IL1R1: variants seen among roughly 807,000 people sequenced by gnomAD.
The protein encoded by IL1R1 is interleukin 1 receptor type 1.
A neutral mutation model predicts 50.2 loss-of-function variants in IL1R1; 22 were observed. That is an observed-to-expected ratio of 0.44 (90% CI 0.31 to 0.63). IL1R1 has a LOEUF of 0.63. IL1R1 is among the 20% of genes least tolerant of loss of function. The pLI, the probability that IL1R1 is intolerant of heterozygous loss-of-function variation, is 0.07. For missense variants in IL1R1, 509 were observed against 676.2 expected (o/e 0.75, Z 2.74); for synonymous variants, 251 against 236.7 (o/e 1.06, Z -0.55).
intron 1 of IL1R1, among the ~76,000 whole-genome samples, chr2:102,148,284 G>C (rs114698808): frequency 0.014 from 2,094 of 152,300 alleles, 39 homozygotes; most frequent in African/African-American, 0.047. Context: ...GGAAGTTCCT[G>C]GGTGGGCTCT....
At chr2:102,152,578 T>C (rs1683780667) in intron 1 of IL1R1, among the ~76,000 whole-genome samples, 1 of 137,764 alleles carries the variant, frequency 7.3e-6, no homozygotes, top group African/African-American at 2.7e-5. Context: ...GCAAGAAGCT[T>C]CCTGGGCCTC....
intron 2 of IL1R1, among the ~76,000 whole-genome samples, chr2:102,156,886 T>C (rs544178312): frequency 1.3e-5 from 2 of 152,320 alleles, no homozygotes; most frequent in East Asian, 1.9e-4. Flanking sequence ...TGAATGAGTG[T>C]TGTGTTAAAA....
rs200116064 is a variant in IL1R1, at chr2:102,171,919, G to A, written c.839+1G>A. 2 of 1,457,276 alleles carry A rather than the reference G, an allele frequency of 1.4e-6. No individual in the cohort carries two copies. Among genetic ancestry groups the A allele is most frequent in the South Asian group, 1.2e-5 (1 of 84,448 alleles). The allele number at this position is 1,457,276 out of a possible 1,614,324, so 90.3% of individuals were successfully genotyped here. On this transcript the variant is annotated splice_donor_variant, in intron 8 of 11. Transcript: ENST00000410023. LOFTEE classifies it high-confidence loss of function. Reference sequence around the variant, plus strand: ...CAGTGCTAGGGGAAGACTATTACAGGTATGTATGCTAAGAGTTATTCACAT... The same window carrying A: ...CAGTGCTAGGGGAAGACTATTACAGATATGTATGCTAAGAGTTATTCACAT...
intron 1 of IL1R1, among the ~76,000 whole-genome samples, chr2:102,089,489 G>A (rs1268621730): frequency 1.3e-5 from 2 of 152,186 alleles, no homozygotes; most frequent in African/African-American, 4.8e-5. Flanking sequence ...GTTTGAAATA[G>A]TGTGGGAATT....
intron 1 of IL1R1, among the ~76,000 whole-genome samples, chr2:102,126,913 C>G (rs1301399547): frequency 1.3e-5 from 2 of 152,202 alleles, no homozygotes; most frequent in African/African-American, 2.4e-5. Context: ...TTTTAAGGAG[C>G]TGGGTTTCAG....
At chr2:102,092,781 G>A (rs941567233) in intron 1 of IL1R1, among the ~76,000 whole-genome samples, 15 of 152,174 alleles carry the variant, frequency 9.9e-5, no homozygotes, top group Admixed American at 8.5e-4. Flanking sequence ...AAGAAAGGAT[G>A]GGGGTGGAGC....
At chr2:102,143,666 A>AG (rs1227235090) in intron 1 of IL1R1, among the ~76,000 whole-genome samples, 1 of 152,180 alleles carries the variant, frequency 6.6e-6, no homozygotes, top group African/African-American at 2.4e-5. Context: ...GATGTCCTGA[A>AG]GGAGGGTAAG....
rs923892167 is a variant in IL1R1 at position 102,096,481 on chromosome 2, T to C, written c.-84+25948T>C. ...TCCTTGGGTTTTTAAGTTAGGTATC[T>C]TTTCATTTAGTTTATTGGCCTTTCA... On this transcript the variant is annotated intron_variant, in intron 1 of 11. Transcript: ENST00000409929. Among the ~76,000 whole-genome samples the C allele has an allele frequency of 5.9e-5, 9 of 152,214 alleles. No homozygotes were observed. In the South Asian group the frequency reaches 8.3e-4, roughly 14 times the overall value.
At chr2:102,139,548 C>A (rs538700894), upstream of IL1R1, among the ~76,000 whole-genome samples, 8 of 152,340 alleles carry the variant, frequency 5.3e-5, no homozygotes, top group South Asian at 1.7e-3. Context: ...AAAATGTAAT[C>A]CCCAATGTTG....
intron 1 of IL1R1, among the ~76,000 whole-genome samples, chr2:102,092,421 A>G (rs1679712549): frequency 1.3e-5 from 2 of 152,148 alleles, no homozygotes; most frequent in African/African-American, 4.8e-5. Flanking sequence ...CAATCATTGT[A>G]GCATTATCCA....
chr2:102,129,805 G>T (rs751783375), intron 1 of IL1R1, among the ~76,000 whole-genome samples: 1 of 151,990 alleles, frequency 6.6e-6, no homozygotes, highest in African/African-American at 2.4e-5. Flanking sequence ...TTGAACTTTC[G>T]GTCTAAAGAC....
intron 1 of IL1R1, among the ~76,000 whole-genome samples, chr2:102,118,743 T>C (rs955318235): frequency 7.9e-5 from 12 of 151,708 alleles, no homozygotes; most frequent in Non-Finnish European, 4.4e-5. Flanking sequence ...TAGGGCCGGG[T>C]GTGGTGGCTC....
intron 6 of IL1R1, 100 bp from the exon 7 acceptor site, chr2:102,168,498 T>C: frequency 1.1e-6 from 1 of 919,860 alleles, no homozygotes; most frequent in Non-Finnish European, 1.8e-6. Flanking sequence ...TGATGGAATA[T>C]CTGGCCAGAA....
At chr2:102,157,263 T>C (rs1684283763) in intron 2 of IL1R1, among the ~76,000 whole-genome samples, 1 of 152,150 alleles carries the variant, frequency 6.6e-6, no homozygotes, top group African/African-American at 2.4e-5. Flanking sequence ...AATGAAGGCA[T>C]GACCTTTGAG....
chr2:102,153,723 T>A (rs1187538357), intron 1 of IL1R1, among the ~76,000 whole-genome samples: 1 of 152,230 alleles, frequency 6.6e-6, no homozygotes, highest in East Asian at 1.9e-4. Context: ...ACGTGCCTAC[T>A]TCCACTTCCA....
At chr2:102,105,611 G>T (rs1478499296) in intron 1 of IL1R1, among the ~76,000 whole-genome samples, 2 of 152,170 alleles carry the variant, frequency 1.3e-5, no homozygotes, top group Middle Eastern at 3.2e-3. Context: ...TGATCCACCT[G>T]CCTGGGCCTC....
At chr2:102,123,105 A>T (rs1577898566) in intron 1 of IL1R1, among the ~76,000 whole-genome samples, 1 of 152,368 alleles carries the variant, frequency 6.6e-6, no homozygotes, top group East Asian at 1.9e-4. Flanking sequence ...TGAAAGATGG[A>T]ATGCAGTATA....
Position 102,164,793 on chromosome 2 carries a change from A to C in IL1R1, c.81A>C (p.Glu27Asp), listed in dbSNP as rs113620360. The part of the protein sequence containing the change: ...SLEADKCKER[E>D]EKIILVSSAN... ...TTAAAGATAAATGCAAGGAACGTGA[A>C]GAAAAAATAATTTTAGTGTCATCTG... The change falls in exon 4 of 12, where the codon GAA (glutamate) becomes GAC (aspartate). Residue 27 changes from glutamate (E) to aspartate (D), a missense_variant. Transcript: ENST00000410023. 608 of 1,613,178 alleles carry C rather than the reference A, an allele frequency of 3.8e-4. 1 individual carries two copies. The highest frequency in any genetic ancestry group is 4.9e-4 in the Non-Finnish European group (578 of 1,179,588).
chr2:102,149,288 A>C (rs916078017), intron 1 of IL1R1, among the ~76,000 whole-genome samples: 1 of 152,242 alleles, frequency 6.6e-6, no homozygotes, highest in Non-Finnish European at 1.5e-5. Context: ...TCATTACTCC[A>C]TGGGAAGGTA....
Sources: allele counts gnomAD v4.1 joint callset (sites outside exome capture counted in the v4.1 genomes callset), GRCh38; gene constraint gnomAD v4.1.1; transcripts MANE v1.5; gene names NCBI Gene and HGNC (gene_info 2026-07-23, HGNC 2026-07-21).